EXO1: variants seen among roughly 807,000 people sequenced by gnomAD.
The protein encoded by EXO1 is exonuclease 1.
EXO1 carries 69 observed loss-of-function variants against 84.5 expected under a neutral mutation model. That is an observed-to-expected ratio of 0.82 (90% CI 0.67 to 1.00). EXO1 has a LOEUF of 1.00. Among genes scored for constraint, EXO1 ranks in the 50% least tolerant of loss-of-function variants. The pLI is 0.00. For missense variants in EXO1, 1,045 were observed against 1,000.7 expected (o/e 1.04, Z -0.60); for synonymous variants, 373 against 366.1 (o/e 1.02, Z -0.21).
At position 241,860,522 on chromosome 1, in the gene EXO1, C is replaced by G. The variant is rs1661321061; in HGVS notation, c.762C>G (p.Ile254Met). 2 of 1,612,232 alleles carry G rather than the reference C, an allele frequency of 1.2e-6. No individual in the cohort carries two copies. The highest frequency in any genetic ancestry group is 1.7e-6 in the Non-Finnish European group (2 of 1,178,352). The change falls in exon 9 of 16, where the codon ATC (isoleucine) becomes ATG (methionine). Residue 254 changes from isoleucine to methionine, a missense_variant. Physicochemically the swap from Ile to Met is conservative, Grantham distance 10. Coordinates refer to ENST00000366548, the MANE Select transcript of EXO1 (RefSeq NM_130398.4). The stretch of plus-strand genomic sequence containing the variant: ...ATTTTTGCATGCATTGTTAGGTTAT[C>G]AAGAAAATTGGACATTATCTCAAGA... ...LANNPDIVKV[I>M]KKIGHYLKMN... is the part of the protein sequence containing the mutation.
intron 4 of EXO1, among the ~76,000 whole-genome samples, chr1:241,851,447 T>A (rs1395250002): frequency 6.6e-6 from 1 of 152,262 alleles, no homozygotes; most frequent in Non-Finnish European, 1.5e-5. Flanking sequence ...TTTTCTTTAT[T>A]TTAGCTGCTA....
At position 241,876,989 on chromosome 1, in the gene EXO1, G is replaced by A. The variant is rs940482434; in HGVS notation, c.1515-1760G>A. ...AAGGTAAATAGAAACTGCGTGTCAA[G>A]CACCTGCCATAATGCCTAGTCATTA... On this transcript the variant is annotated intron_variant, in intron 12 of 15. Transcript: ENST00000366548. 5.3e-5 allele frequency among the ~76,000 whole-genome samples: 8 copies of A among 152,300 alleles called. No homozygotes were observed. The East Asian group carries it at 1.5e-3, about 29-fold the overall frequency.
chr1:241,851,568 A>G (rs910586196), intron 4 of EXO1, among the ~76,000 whole-genome samples: 3 of 152,216 alleles, frequency 2.0e-5, no homozygotes, highest in Non-Finnish European at 4.4e-5. Context: ...TGTTTTTGTC[A>G]CAATACCTAA....
intron 13 of EXO1, among the ~76,000 whole-genome samples, chr1:241,880,016 AAG>A (rs1262476730): frequency 6.6e-6 from 1 of 151,958 alleles, no homozygotes. Flanking sequence ...AAAAAAAAAA[AAG>A]AAAAAAAAAG....
chr1:241,852,313 A>T lies in EXO1; in HGVS notation c.183A>T (p.Lys61Asn), dbSNP rs767015083. 3 of 1,600,252 alleles carry T rather than the reference A, an allele frequency of 1.9e-6. No homozygotes were observed. The East Asian group carries it at 6.7e-5, about 36-fold the overall frequency. Reference sequence around the variant, plus strand: ...ATAGGTATGTAGGATTTTGTATGAAATTTGTAAATATGTTACTATCTCATG... The same window carrying T: ...ATAGGTATGTAGGATTTTGTATGAATTTTGTAAATATGTTACTATCTCATG... ...PTDRYVGFCMKFVNMLLSHGI... is the reference protein window; with the variant it reads ...PTDRYVGFCMNFVNMLLSHGI... Residue 61 changes from lysine (K) to asparagine (N), a missense_variant, in exon 5 of 16, where the codon AAA becomes AAT. Physicochemically the swap from Lys to Asn is moderately conservative, Grantham distance 94. Coordinates refer to ENST00000366548, the MANE Select transcript of EXO1 (RefSeq NM_130398.4).
intron 3 of EXO1, among the ~76,000 whole-genome samples, chr1:241,849,479 A>C (rs2148370089): frequency 1.3e-5 from 2 of 152,356 alleles, no homozygotes; most frequent in South Asian, 4.1e-4. Context: ...GTATTTGCAT[A>C]GCAGACGCAG....
In EXO1 at chr1:241,860,517, G is replaced by A. The variant is rs147503939; in HGVS notation, c.757G>A (p.Val253Ile). 6.2e-7 allele frequency: 1 copy of A among 1,610,490 alleles called. No individual in the cohort carries two copies. Among genetic ancestry groups the A allele is most frequent in the Non-Finnish European group, 8.5e-7 (1 of 1,176,826 alleles). ...RLANNPDIVK[V>I]IKKIGHYLKM... ...AAAATATTTTTGCATGCATTGTTAGGTTATCAAGAAAATTGGACATTATCT... is the reference window on the plus strand; with the variant it reads ...AAAATATTTTTGCATGCATTGTTAGATTATCAAGAAAATTGGACATTATCT... Residue 253 changes from valine to isoleucine, a missense_variant and splice_region_variant, in exon 9 of 16, where the codon GTT becomes ATT. Coordinates refer to ENST00000366548, the MANE Select transcript of EXO1 (RefSeq NM_130398.4).
chr1:241,888,164 C>T (rs762782915), intron 15 of EXO1, among the ~76,000 whole-genome samples: 1 of 152,022 alleles, frequency 6.6e-6, no homozygotes, highest in Non-Finnish European at 1.5e-5. Flanking sequence ...TGCTTGAGCC[C>T]GGGAGGTGGC....
At chr1:241,882,383 T>C (rs1374665958) in intron 14 of EXO1, among the ~76,000 whole-genome samples, 1 of 152,180 alleles carries the variant, frequency 6.6e-6, no homozygotes, top group Non-Finnish European at 1.5e-5. Flanking sequence ...TGTTCTTGAT[T>C]AGTTTGTAAG....
At chr1:241,858,469 C>A in intron 7 of EXO1, 37 bp from the exon 8 acceptor site, 2 of 1,363,916 alleles carry the variant, frequency 1.5e-6, no homozygotes, top group African/African-American at 1.4e-5. Flanking sequence ...ACAAAAGTGG[C>A]CCTTCTAGGT....
Position 241,889,634 on chromosome 1 carries a change from G to C in EXO1, c.*34G>C, listed in dbSNP as rs766954778. The C allele has an allele frequency of 1.9e-6, 3 of 1,610,816 alleles. No homozygotes were observed. The South Asian group carries it at 3.3e-5, about 18-fold the overall frequency. On this transcript the variant is annotated 3_prime_UTR_variant, in exon 16 of 16. Coordinates refer to ENST00000366548, the MANE Select transcript of EXO1 (RefSeq NM_130398.4). ...TGCTGCAAAGCTTTTGCCTGCAAGA[G>C]AATCTGATCAATTTGAAGTCCCTGT...
intron 10 of EXO1, 38 bp downstream of exon 10, chr1:241,861,540 A>G (rs750732573): frequency 1.9e-6 from 2 of 1,077,488 alleles, no homozygotes; most frequent in South Asian, 1.2e-5. Context: ...AACACGTTTT[A>G]GTTATGTCCC....
At position 241,862,474 on chromosome 1, in the gene EXO1, GTC is replaced by G. The variant is rs371673438; in HGVS notation, c.1041+976_1041+977del. ...CCACAGAATTCTCACTGTCTCTTGC[GTC>G]TCTGATTTCCTGTAGCCTCCAAGTC... On this transcript the variant is annotated intron_variant, in intron 10 of 15. Coordinates refer to ENST00000366548, the MANE Select transcript of EXO1 (RefSeq NM_130398.4). Among the ~76,000 whole-genome samples the G allele has an allele frequency of 2.4e-3, 372 of 152,182 alleles. 2 individuals are homozygous for G. The highest frequency in any genetic ancestry group is 8.5e-3 in the African/African-American group (353 of 41,524).
At chr1:241,856,582 A>G (rs1661056121) in intron 6 of EXO1, among the ~76,000 whole-genome samples, 1 of 152,114 alleles carries the variant, frequency 6.6e-6, no homozygotes, top group Admixed American at 6.5e-5. Context: ...ATTGCTGGAT[A>G]TGGTCTATAA....
intron 14 of EXO1, among the ~76,000 whole-genome samples, chr1:241,883,451 AG>A (rs1304413555): frequency 6.6e-6 from 1 of 152,108 alleles, no homozygotes. Flanking sequence ...CCTCTTCTTA[AG>A]GGCACTAATC....
chr1:241,857,288 G>A, intron 6 of EXO1, 57 bp from the exon 7 acceptor site: 1 of 1,581,420 alleles, frequency 6.3e-7, no homozygotes. Flanking sequence ...GAAACAGGAA[G>A]TTGTTTAGTA....
chr1:241,871,915 T>TG (rs889967484), intron 11 of EXO1, 117 bp from the exon 12 acceptor site: 11 of 722,728 alleles, frequency 1.5e-5, no homozygotes, highest in African/African-American at 5.5e-5. Flanking sequence ...GGCATAGTTT[T>TG]TTTTTTTTTT....
chr1:241,865,799 T>C (rs2526698), intron 10 of EXO1, among the ~76,000 whole-genome samples: 77,945 of 151,976 alleles, frequency 0.51, 20,333 homozygotes, highest in East Asian at 0.71. Flanking sequence ...ATCAGTGGGA[T>C]CTAATGCCAT....
chr1:241,863,011 A>T (rs1478878468), intron 10 of EXO1, among the ~76,000 whole-genome samples: 1 of 152,192 alleles, frequency 6.6e-6, no homozygotes, highest in East Asian at 1.9e-4. Context: ...AGGAGAAGGG[A>T]TTCTATAGAA....
Sources: gnomAD v4.1 joint callset for allele counts (sites outside exome capture counted in the v4.1 genomes callset) on GRCh38, gnomAD v4.1.1 for gene constraint, MANE v1.5 for transcripts, NCBI Gene and HGNC (gene_info 2026-07-23, HGNC 2026-07-21) for gene names.